EBF1: variants seen among roughly 807,000 people sequenced by gnomAD.
EBF1 encodes the protein EBF transcription factor 1, also known as transcription factor COE1.
EBF1 carries 10 observed loss-of-function variants against 68.4 expected under a neutral mutation model. The ratio of observed to expected loss-of-function variants is 0.15; its 90% CI spans 0.09 to 0.25. EBF1 has a LOEUF of 0.25. EBF1 is among the 10% of genes least tolerant of loss of function. The pLI is 1.00. For missense variants in EBF1, 509 were observed against 794.4 expected (o/e 0.64, Z 4.32); for synonymous variants, 298 against 299.8 (o/e 0.99, Z 0.06).
At chr5:158,738,260 G>C (rs1765619283) in intron 10 of EBF1, among the ~76,000 whole-genome samples, 1 of 152,050 alleles carries the variant, frequency 6.6e-6, no homozygotes, top group South Asian at 2.1e-4. Flanking sequence ...TGGAATGTAA[G>C]GTTTTCTTCC....
At chr5:158,967,201 C>G (rs1053316091) in intron 6 of EBF1, among the ~76,000 whole-genome samples, 2 of 152,202 alleles carry the variant, frequency 1.3e-5, no homozygotes, top group Non-Finnish European at 2.9e-5. Flanking sequence ...GGGCACTGTA[C>G]ATGCAGTAGT....
intron 6 of EBF1, among the ~76,000 whole-genome samples, chr5:159,048,011 G>A (rs1772774211): frequency 6.6e-6 from 1 of 152,168 alleles, no homozygotes; most frequent in Non-Finnish European, 1.5e-5. Flanking sequence ...CCTTTCAGGA[G>A]ATAGGCACTA....
intron 6 of EBF1, among the ~76,000 whole-genome samples, chr5:158,897,222 G>A (rs1293236988): frequency 6.6e-6 from 1 of 152,160 alleles, no homozygotes; most frequent in Non-Finnish European, 1.5e-5. Context: ...ACACACCATG[G>A]AATACTATGC....
chr5:159,052,488 C>T (rs1773952049), intron 6 of EBF1, among the ~76,000 whole-genome samples: 1 of 152,220 alleles, frequency 6.6e-6, no homozygotes, highest in African/African-American at 2.4e-5. Context: ...GTTCAGTCCT[C>T]TGCAAATCAG....
At chr5:158,794,074 G>A (rs1779183800) in intron 9 of EBF1, among the ~76,000 whole-genome samples, 1 of 152,070 alleles carries the variant, frequency 6.6e-6, no homozygotes, top group African/African-American at 2.4e-5. Context: ...AATATTTTGG[G>A]AAACAGTTTG....
intron 6 of EBF1, among the ~76,000 whole-genome samples, chr5:159,021,421 G>T (rs1766656118): frequency 6.6e-6 from 1 of 152,164 alleles, no homozygotes; most frequent in Admixed American, 6.5e-5. Flanking sequence ...TAACACTAAT[G>T]CCCTAAATTC....
intron 6 of EBF1, among the ~76,000 whole-genome samples, chr5:158,849,254 A>G (rs982583395): frequency 3.9e-5 from 6 of 152,306 alleles, no homozygotes; most frequent in Admixed American, 3.9e-4. Flanking sequence ...AAAGTCCCTA[A>G]TAATGCCAAT....
intron 6 of EBF1, among the ~76,000 whole-genome samples, chr5:158,925,273 G>T (rs1047224300): frequency 9.9e-5 from 15 of 152,108 alleles, no homozygotes; most frequent in Non-Finnish European, 2.9e-5. Context: ...TTATCTTATT[G>T]TCTAGCTCCC....
At chr5:158,857,323 C>T (rs906361752) in intron 6 of EBF1, among the ~76,000 whole-genome samples, 1 of 151,902 alleles carries the variant, frequency 6.6e-6, no homozygotes, top group African/African-American at 2.4e-5. Context: ...CCTGGCTGTC[C>T]CCCAAAATCT....
At position 158,696,594 on chromosome 5, in the gene EBF1, C is replaced by T; in HGVS notation, c.*2517G>A. 4.5e-6 allele frequency: 1 copy of T among 221,628 alleles called. No homozygotes were observed. The highest frequency in any genetic ancestry group is 6.5e-5 in the East Asian group (1 of 15,484). The allele number at this position is 221,628 out of a possible 1,614,324, so 13.7% of individuals were successfully genotyped here. On this transcript the variant is annotated 3_prime_UTR_variant, in exon 16 of 16. Coordinates refer to ENST00000313708, the MANE Select transcript of EBF1 (RefSeq NM_024007.5). Reference sequence around the variant, plus strand: ...CAAATTCAGATAACCTTTCTGAGTACCGAGAAGCAATGCGTCCACCTTGCT... The same window carrying T: ...CAAATTCAGATAACCTTTCTGAGTATCGAGAAGCAATGCGTCCACCTTGCT...
At chr5:158,767,363 C>T (rs1023708100) in intron 10 of EBF1, among the ~76,000 whole-genome samples, 16 of 152,144 alleles carry the variant, frequency 1.1e-4, no homozygotes, top group African/African-American at 3.6e-4. Context: ...TCAGAACTCA[C>T]GTGTCCTAGA....
intron 6 of EBF1, among the ~76,000 whole-genome samples, chr5:159,023,243 G>GA (rs1409463447): frequency 2.0e-5 from 3 of 149,440 alleles, no homozygotes; most frequent in East Asian, 1.9e-4. Context: ...AATGGCTTCA[G>GA]AAAAAAGAGA....
At chr5:158,703,601 T>C (rs62386867) in intron 15 of EBF1, among the ~76,000 whole-genome samples, 18,918 of 94,756 alleles carry the variant, frequency 0.2, 1,224 homozygotes, top group Admixed American at 0.24. Context: ...AGTTGCTTTT[T>C]CAAAAAAAAA....
At chr5:158,759,723 C>A (rs1298650060) in intron 10 of EBF1, among the ~76,000 whole-genome samples, 1 of 152,174 alleles carries the variant, frequency 6.6e-6, no homozygotes, top group African/African-American at 2.4e-5. Flanking sequence ...CTCCCTATTT[C>A]TTTCTTAACA....
chr5:159,059,454 A>G (rs180807837), intron 6 of EBF1, among the ~76,000 whole-genome samples: 22 of 152,348 alleles, frequency 1.4e-4, no homozygotes, highest in Admixed American at 2.0e-4. Context: ...CACTCTAAAT[A>G]AAGAAAATGA....
rs1232801851 is a variant in EBF1, at chr5:158,719,258, T to C, written c.1126-5076A>G. Among the ~76,000 whole-genome samples the C allele has an allele frequency of 3.3e-5, 5 of 152,176 alleles. No individual in the cohort carries two copies. The East Asian group carries it at 9.6e-4, about 29-fold the overall frequency. ...CTGGCTTGGACTTACATTTTAATTT[T>C]GTGATTAATACAATGAATCATGTCT... On this transcript the variant is annotated intron_variant, in intron 11 of 15. Transcript: ENST00000313708.
intron 6 of EBF1, among the ~76,000 whole-genome samples, chr5:158,951,134 T>A (rs1815872471): frequency 6.6e-6 from 1 of 152,360 alleles, no homozygotes. Flanking sequence ...TGGCACTAAA[T>A]CATACATTAC....
intron 6 of EBF1, among the ~76,000 whole-genome samples, chr5:158,940,774 C>CCCCT (rs1813147658): frequency 2.6e-5 from 1 of 38,472 alleles, no homozygotes; most frequent in Non-Finnish European, 1.1e-4. Context: ...CCCCCCCCCC[C>CCCCT]CCCCCGCAGG....
chr5:158,749,231 C>T (rs1426929042), intron 10 of EBF1, among the ~76,000 whole-genome samples: 2 of 152,064 alleles, frequency 1.3e-5, no homozygotes, highest in Non-Finnish European at 2.9e-5. Flanking sequence ...AAGACAGAAG[C>T]GTATTTAAGT....
Sources: allele counts gnomAD v4.1 joint callset (sites outside exome capture counted in the v4.1 genomes callset), GRCh38; gene constraint gnomAD v4.1.1; transcripts MANE v1.5; gene names NCBI Gene and HGNC (gene_info 2026-07-23, HGNC 2026-07-21).